The following PCSK5 variants were observed in gnomAD, a reference collection of about 807,000 sequenced individuals.
The protein encoded by PCSK5 is prohormone convertase 5.
PCSK5 carries 129 observed loss-of-function variants against 233.2 expected under a neutral mutation model. That is an observed-to-expected ratio of 0.55 (90% CI 0.48 to 0.64). PCSK5 has a LOEUF of 0.64. PCSK5 is among the 30% of genes least tolerant of loss of function. The pLI is 0.00. For missense variants in PCSK5, 2,076 were observed against 2,430.1 expected (o/e 0.85, Z 3.06); for synonymous variants, 825 against 879.2 (o/e 0.94, Z 1.09).
chr9:76,247,599 C>A (rs916468533), intron 24 of PCSK5, among the ~76,000 whole-genome samples: 1 of 152,120 alleles, frequency 6.6e-6, no homozygotes, highest in Non-Finnish European at 1.5e-5. Flanking sequence ...CCTAGGAAAT[C>A]CAGCTAGTCC....
intron 33 of PCSK5, among the ~76,000 whole-genome samples, chr9:76,330,366 G>C (rs1407769075): frequency 6.6e-6 from 1 of 152,184 alleles, no homozygotes; most frequent in African/African-American, 2.4e-5. Flanking sequence ...AGACAGAAGA[G>C]AGAGATGAAT....
At chr9:76,282,518 A>G (rs1827914682) in intron 24 of PCSK5, among the ~76,000 whole-genome samples, 1 of 141,838 alleles carries the variant, frequency 7.1e-6, no homozygotes, top group East Asian at 2.3e-4. Flanking sequence ...GAGTCTCCCT[A>G]TGTTGCCCAG....
At chr9:75,980,028 T>G (rs1826207785) in intron 2 of PCSK5, among the ~76,000 whole-genome samples, 1 of 152,202 alleles carries the variant, frequency 6.6e-6, no homozygotes, top group African/African-American at 2.4e-5. Flanking sequence ...ACTGCTTTGA[T>G]TGGATATAAC....
intron 24 of PCSK5, among the ~76,000 whole-genome samples, chr9:76,248,135 T>G (rs187720329): frequency 0.022 from 3,323 of 152,144 alleles, 103 homozygotes; most frequent in South Asian, 0.12. Context: ...GCACTATACT[T>G]ACCAGGCTGG....
intron 2 of PCSK5, among the ~76,000 whole-genome samples, chr9:75,953,539 C>T (rs1426580936): frequency 6.6e-6 from 1 of 152,088 alleles, no homozygotes; most frequent in African/African-American, 2.4e-5. Context: ...GAACCTGCTG[C>T]CACGTGCCTA....
rs548293917 is a variant in PCSK5 at position 76,059,261 on chromosome 9, C to A, written c.633-8694C>A. Among the ~76,000 whole-genome samples, 6 of 152,248 alleles carry A rather than the reference C, an allele frequency of 3.9e-5. No individual in the cohort carries two copies. In the East Asian group the frequency reaches 1.2e-3, roughly 29 times the overall value. On this transcript the variant is annotated intron_variant, in intron 5 of 37. Coordinates refer to ENST00000674117, the MANE Select transcript of PCSK5 (RefSeq NM_001372043.1). Reference sequence around the variant, plus strand: ...TTATTTGTAGATTCTGGATATTAGACCTTTGTCAGATAGATAGATGGCAAA... The same window carrying A: ...TTATTTGTAGATTCTGGATATTAGAACTTTGTCAGATAGATAGATGGCAAA...
In PCSK5 at chr9:76,193,183, A is replaced by C. The variant is rs1048770478; in HGVS notation, c.2626+3437A>C. Reference sequence around the variant, plus strand: ...TCACAACCTTCTTCCATGTGTGTACATCATGCTGCTCTCGTCTTCAACTCC... The same window carrying C: ...TCACAACCTTCTTCCATGTGTGTACCTCATGCTGCTCTCGTCTTCAACTCC... On this transcript the variant is annotated intron_variant, in intron 20 of 37. Transcript: ENST00000674117. The C allele has an allele frequency of 9.8e-6, 15 of 1,527,720 alleles. No individual in the cohort carries two copies. The African/African-American group carries it at 2.1e-4, about 21-fold the overall frequency. 94.6% of individuals were successfully genotyped at this position (1,527,720 alleles called of 1,614,324 possible).
intron 3 of PCSK5, among the ~76,000 whole-genome samples, chr9:75,996,396 G>A (rs1173741346): frequency 6.6e-6 from 1 of 152,166 alleles, no homozygotes; most frequent in South Asian, 2.1e-4. Context: ...GTAGGGATTT[G>A]GGTAATTTTC....
intron 8 of PCSK5, among the ~76,000 whole-genome samples, chr9:76,102,452 TC>T (rs760177106): frequency 5.9e-5 from 9 of 152,200 alleles, no homozygotes; most frequent in Admixed American, 1.3e-4. Context: ...AGATAAAGCA[TC>T]TCTAATACAA....
At chr9:76,265,936 T>A (rs1587818428) in intron 24 of PCSK5, among the ~76,000 whole-genome samples, 1 of 152,168 alleles carries the variant, frequency 6.6e-6, no homozygotes, top group African/African-American at 2.4e-5. Context: ...CTCTTTGCAA[T>A]CCTGTAAAGA....
chr9:76,196,839 AATTG>A (rs1452755572), intron 20 of PCSK5, among the ~76,000 whole-genome samples: 1 of 152,192 alleles, frequency 6.6e-6, no homozygotes, highest in Non-Finnish European at 1.5e-5. Context: ...ACTTGAAACA[AATTG>A]ATTGAGATTC....
chr9:76,261,976 TCCTAATTGAATA>T (rs1827187714), intron 24 of PCSK5, among the ~76,000 whole-genome samples: 1 of 152,180 alleles, frequency 6.6e-6, no homozygotes, highest in African/African-American at 2.4e-5. Context: ...CTTCCTCTTT[TCCTAATTGAATA>T]CCCTTTATTT....
intron 3 of PCSK5, among the ~76,000 whole-genome samples, chr9:76,011,824 G>T (rs530619252): frequency 6.6e-6 from 1 of 152,256 alleles, no homozygotes; most frequent in South Asian, 2.1e-4. Context: ...TTTCCAAAAT[G>T]AAGTTTCAGT....
rs1218887010 is a variant in PCSK5 at position 76,233,531 on chromosome 9, C to T, written c.2801C>T (p.Pro934Leu). The T allele has an allele frequency of 6.2e-7, 1 of 1,612,534 alleles. No individual in the cohort carries two copies. Among genetic ancestry groups the T allele is most frequent in the African/African-American group, 1.3e-5 (1 of 75,052 alleles). The change falls in exon 22 of 38, where the codon CCA becomes CTA. Residue 934 changes from proline (P) to leucine (L), a missense_variant. Transcript: ENST00000674117. ...WKFEFENQCH[P>L]CHHTCQRCQG... is the part of the protein sequence containing the mutation. ...TTTGAATTTGAGAACCAATGCCATC[C>T]ATGCCACCACACCTGCCAGAGATGC...
chr9:76,053,460 A>G (rs557173896), intron 5 of PCSK5, among the ~76,000 whole-genome samples: 3 of 152,312 alleles, frequency 2.0e-5, no homozygotes, highest in South Asian at 2.1e-4. Flanking sequence ...TTGCTTCGTT[A>G]GGCTGCAGAT....
At chr9:76,251,289 C>T (rs541634754) in intron 24 of PCSK5, among the ~76,000 whole-genome samples, 12 of 151,482 alleles carry the variant, frequency 7.9e-5, no homozygotes, top group African/African-American at 2.4e-4. Context: ...GAAGGCCAGG[C>T]GCGGTGGCTC....
intron 24 of PCSK5, among the ~76,000 whole-genome samples, chr9:76,249,412 A>T (rs1459574388): frequency 6.6e-6 from 1 of 152,220 alleles, no homozygotes; most frequent in Non-Finnish European, 1.5e-5. Context: ...GGAAAAGTGA[A>T]AATTAGGGAA....
Position 76,358,780 on chromosome 9 carries a change from A to T in PCSK5, c.5522A>T (p.Asp1841Val). The change falls in exon 38 of 38, where the codon GAC becomes GTC. Residue 1841 changes from aspartate (D) to valine (V), a missense_variant. Physicochemically the swap from Asp to Val is radical, Grantham distance 152. This residue lies in a region of PCSK5 where 1,510 missense variants were observed against 1,538.1 expected (regional missense o/e 0.98). Coordinates refer to ENST00000674117, the MANE Select transcript of PCSK5 (RefSeq NM_001372043.1). ...EDQVIEYRDR[D>V]YDEDDDDDIV... ...CAGGTGATTGAGTACAGGGATCGGG[A>T]CTATGATGAGGATGATGATGATGAC... The T allele has an allele frequency of 6.2e-7, 1 of 1,612,900 alleles. No homozygotes were observed. The highest frequency in any genetic ancestry group is 8.5e-7 in the Non-Finnish European group (1 of 1,179,888).
chr9:76,047,512 A>G (rs967440409), intron 5 of PCSK5, among the ~76,000 whole-genome samples: 4 of 152,198 alleles, frequency 2.6e-5, no homozygotes, highest in African/African-American at 9.7e-5. Context: ...CATTTAGGAT[A>G]TGGAAAGGGA....
Sources: allele counts gnomAD v4.1 joint callset (sites outside exome capture counted in the v4.1 genomes callset), GRCh38; gene constraint gnomAD v4.1.1; regional missense constraint gnomAD v4.1.1; transcripts MANE v1.5; gene names NCBI Gene and HGNC (gene_info 2026-07-23, HGNC 2026-07-21).